The following VPS36 variants were observed in gnomAD, a reference collection of about 807,000 sequenced individuals.
The protein encoded by VPS36 is vacuolar protein sorting 36 homolog, also known as vacuolar protein-sorting-associated protein 36.
VPS36 carries 31 observed loss-of-function variants against 63.5 expected under a neutral mutation model. The ratio of observed to expected loss-of-function variants is 0.49; its 90% confidence interval spans 0.37 to 0.66. The LOEUF (loss-of-function observed/expected upper bound fraction) is 0.66. Among genes scored for constraint, VPS36 ranks in the 30% least tolerant of loss-of-function variants. VPS36 has a pLI of 0.00. For missense variants in VPS36, 338 were observed against 463.7 expected, an observed-to-expected ratio of 0.73 and a Z score of 2.49; for synonymous variants, 138 against 157.2, an observed-to-expected ratio of 0.88 and a Z score of 0.91.
intron 1 of VPS36, among the ~76,000 whole-genome samples, chr13:52,444,259 C>G (rs559325444): frequency 6.6e-6 from 1 of 152,112 alleles, no homozygotes; most frequent in East Asian, 1.9e-4. Context: ...AGATCGAGAC[C>G]ATCCTGGCTA....
At chr13:52,450,374 G>A in intron 1 of VPS36, 125 bp downstream of exon 1, 1 of 1,241,282 alleles carries the variant, frequency 8.1e-7, no homozygotes. Context: ...GGCCTGCCGG[G>A]CCGCCGAGGG....
At chr13:52,442,975 T>C (rs1331306327) in intron 1 of VPS36, among the ~76,000 whole-genome samples, 1 of 152,222 alleles carries the variant, frequency 6.6e-6, no homozygotes, top group South Asian at 2.1e-4. Flanking sequence ...TTCTTTGCAA[T>C]TGAATTCATG....
At chr13:52,450,036 T>C (rs962993547) in intron 1 of VPS36, 3 of 987,330 alleles carry the variant, frequency 3.0e-6, no homozygotes, top group African/African-American at 1.7e-5. Flanking sequence ...GGGCACGGAC[T>C]GTACGGCCAC....
chr13:52,450,508 G>A lies in VPS36; in HGVS notation c.87C>T (p.Gly29=). 1 of 1,592,574 alleles carries A rather than the reference G, an allele frequency of 6.3e-7. No individual in the cohort carries two copies. The highest frequency in any genetic ancestry group is 1.1e-5 in the South Asian group (1 of 88,914). ...IQQRGVRIYD[G]EEKIKFDAGT... ...TTGGCAGACGCCCTACCTTCTCCTC[G>A]CCATCGTAGATTCGCACCCCGCGCT... Residue 29 remains glycine, a synonymous_variant, in exon 1 of 14, where the codon GGC becomes GGT. Coordinates refer to ENST00000378060, the MANE Select transcript of VPS36 (RefSeq NM_016075.4).
chr13:52,446,020 G>A (rs1275968112), intron 1 of VPS36, among the ~76,000 whole-genome samples: 1 of 150,062 alleles, frequency 6.7e-6, no homozygotes, highest in Non-Finnish European at 1.5e-5. Context: ...GGAGGCCGAG[G>A]CAGGCAGATC....
At chr13:52,427,286 C>T (rs570265185) in intron 6 of VPS36, 67 bp from the exon 7 acceptor site, 1 of 1,547,318 alleles carries the variant, frequency 6.5e-7, no homozygotes, top group South Asian at 1.1e-5. Context: ...AAAAATGAAG[C>T]ACCCTCTATT....
In VPS36 at chr13:52,431,591, C is replaced by T. The variant is rs138225563; in HGVS notation, c.528+2071G>A. ...CAGCCTGACCAACATGGTGAAACCC[C>T]GTCTCTACTAAAAATACAAAAATTA... On this transcript the variant is annotated intron_variant, in intron 6 of 13. Transcript: ENST00000378060. Among the ~76,000 whole-genome samples, 1,129 of 151,722 alleles carry T rather than the reference C, an allele frequency of 7.4e-3. 5 individuals are homozygous for T. Among genetic ancestry groups the T allele is most frequent in the African/African-American group, 0.017 (699 of 41,418 alleles).
At chr13:52,442,772 AAAGT>A (rs1958294476) in intron 1 of VPS36, among the ~76,000 whole-genome samples, 1 of 152,218 alleles carries the variant, frequency 6.6e-6, no homozygotes, top group African/African-American at 2.4e-5. Context: ...AGTGGGAAAG[AAAGT>A]GATTTACAGC....
At chr13:52,417,247 AATAT>A in intron 11 of VPS36, 106 bp from the exon 12 acceptor site, 3 of 852,920 alleles carry the variant, frequency 3.5e-6, no homozygotes, top group African/African-American at 1.7e-5. Flanking sequence ...ATATGAGGGC[AATAT>A]TAAACAAAAC....
At chr13:52,426,917 A>T in intron 8 of VPS36, 72 bp downstream of exon 8, 3 of 976,122 alleles carry the variant, frequency 3.1e-6, no homozygotes, top group Non-Finnish European at 4.6e-6. Flanking sequence ...CAGAAAGCCA[A>T]TGTAAACCAC....
intron 1 of VPS36, 142 bp downstream of exon 1, chr13:52,450,357 G>C: frequency 8.2e-7 from 1 of 1,226,240 alleles, no homozygotes; most frequent in Non-Finnish European, 1.0e-6. Context: ...GCTGCACCCC[G>C]CACAGAGGCC....
intron 8 of VPS36, 60 bp downstream of exon 8, chr13:52,426,929 A>G: frequency 8.5e-7 from 1 of 1,170,320 alleles, no homozygotes; most frequent in Admixed American, 2.3e-5. Context: ...GTAAACCACA[A>G]AAACCTTACT....
intron 1 of VPS36, among the ~76,000 whole-genome samples, chr13:52,444,471 T>C (rs1393088418): frequency 2.7e-5 from 4 of 147,804 alleles, no homozygotes; most frequent in African/African-American, 7.4e-5. Context: ...AAAATACATA[T>C]ATATACATTT....
chr13:52,432,137 G>A (rs1311433589), intron 6 of VPS36, among the ~76,000 whole-genome samples: 1 of 152,192 alleles, frequency 6.6e-6, no homozygotes, highest in East Asian at 1.9e-4. Flanking sequence ...GGATCACGAG[G>A]TCAGAAGATT....
At chr13:52,438,321 A>T (rs1958239723) in intron 3 of VPS36, among the ~76,000 whole-genome samples, 2 of 152,224 alleles carry the variant, frequency 1.3e-5, no homozygotes, top group African/African-American at 4.8e-5. Flanking sequence ...TCTATGGCTT[A>T]TTAATCTTTT....
chr13:52,422,182 T>C (rs1257381158), intron 10 of VPS36, among the ~76,000 whole-genome samples: 2 of 152,194 alleles, frequency 1.3e-5, no homozygotes, highest in Non-Finnish European at 2.9e-5. Context: ...AGATTAGCTT[T>C]TTTAGCTCGC....
chr13:52,428,414 G>A (rs1006102040), intron 6 of VPS36, among the ~76,000 whole-genome samples: 1 of 152,130 alleles, frequency 6.6e-6, no homozygotes, highest in Non-Finnish European at 1.5e-5. Context: ...TCCCCCATCT[G>A]CAAAAGGATT....
chr13:52,437,522 G>A (rs575853382), intron 3 of VPS36, among the ~76,000 whole-genome samples: 1 of 152,212 alleles, frequency 6.6e-6, no homozygotes, highest in African/African-American at 2.4e-5. Context: ...AAAAACTAAT[G>A]AGTATAATCG....
chr13:52,434,745 T>G (rs1402374734), intron 5 of VPS36, 48 bp downstream of exon 5: 17 of 1,506,662 alleles, frequency 1.1e-5, no homozygotes, highest in Non-Finnish European at 1.5e-5. Context: ...AATGAAGATG[T>G]AAGTACAGAG....
Sources: gnomAD v4.1 joint callset for allele counts (sites outside exome capture counted in the v4.1 genomes callset) on GRCh38, gnomAD v4.1.1 for gene constraint, MANE v1.5 for transcripts, NCBI Gene and HGNC (gene_info 2026-07-23, HGNC 2026-07-21) for gene names.